The following SOBP variants were observed in gnomAD, a reference collection of about 807,000 sequenced individuals.
SOBP encodes sine oculis-binding protein homolog.
SOBP carries 4 observed loss-of-function variants against 53.6 expected under a neutral mutation model. The observed-to-expected ratio is 0.07, with a 90% CI of 0.04 to 0.17. The LOEUF is 0.17. Ranked by LOEUF, SOBP falls within the 10% of genes least tolerant of loss-of-function variation. The probability of loss-of-function intolerance (pLI) is 1.00; values close to 1 mark genes in which losing one functional copy is unlikely to be tolerated. For synonymous variants in SOBP, 584 were observed against 522.6 expected (o/e 1.12, Z -1.60); for missense variants, 1,088 against 1,204.7 (o/e 0.90, Z 1.43).
chr6:107,574,760 G>A (rs564750710), intron 4 of SOBP, among the ~76,000 whole-genome samples: 9 of 152,120 alleles, frequency 5.9e-5, no homozygotes, highest in Non-Finnish European at 1.3e-4. Flanking sequence ...CAATACTGGT[G>A]GGCCTAGGAT....
chr6:107,512,690 T>G (rs1583159968), intron 3 of SOBP, among the ~76,000 whole-genome samples: 1 of 152,202 alleles, frequency 6.6e-6, no homozygotes, highest in Non-Finnish European at 1.5e-5. Context: ...CTTTTTCCCC[T>G]CTAGTTTTGG....
At position 107,634,972 on chromosome 6, in the gene SOBP, G is replaced by A. The variant is rs1394662329; in HGVS notation, c.2128G>A (p.Ala710Thr). Residue 710 changes from alanine (A) to threonine (T), a missense_variant, in exon 6 of 7, where the codon GCC becomes ACC. Physicochemically the swap from Ala to Thr is moderately conservative, Grantham distance 58. This residue lies in a region of SOBP where 665 missense variants were observed against 629.7 expected (regional missense o/e 1.06). Transcript: ENST00000317357. This position sits in a 1 kb window ranked among gnomAD's most constrained non-coding sequence, Gnocchi z 4.5. ...PPAAGDPGPGAPAGPEAAAAC... is the reference protein window; with the variant it reads ...PPAAGDPGPGTPAGPEAAAAC... Reference sequence around the variant, plus strand: ...CGCCGCCGGCGACCCAGGCCCGGGCGCCCCGGCGGGCCCCGAGGCGGCCGC... The same window carrying A: ...CGCCGCCGGCGACCCAGGCCCGGGCACCCCGGCGGGCCCCGAGGCGGCCGC... 1 of 1,014,628 alleles carries A rather than the reference G, an allele frequency of 9.9e-7. No individual in the cohort carries two copies. The highest frequency in any genetic ancestry group is 1.2e-6 in the Non-Finnish European group (1 of 851,442). 62.9% of individuals were successfully genotyped at this position (1,014,628 alleles called of 1,614,324 possible). A position where few individuals can be genotyped will look rare whatever the true frequency, so the allele number is the denominator to read the frequency against.
intron 5 of SOBP, among the ~76,000 whole-genome samples, chr6:107,593,546 C>T (rs946073092): frequency 4.6e-5 from 7 of 152,174 alleles, no homozygotes; most frequent in African/African-American, 9.7e-5. Context: ...ATCCTTTCTC[C>T]GCAGATGTGC....
chr6:107,520,439 A>G (rs1053351094), intron 3 of SOBP, among the ~76,000 whole-genome samples: 1 of 152,186 alleles, frequency 6.6e-6, no homozygotes, highest in Non-Finnish European at 1.5e-5. Context: ...CAGAACCAGG[A>G]CCAGAACTCA....
intron 6 of SOBP, among the ~76,000 whole-genome samples, chr6:107,650,786 AAGG>A: frequency 6.6e-6 from 1 of 152,260 alleles, no homozygotes; most frequent in East Asian, 1.9e-4. Flanking sequence ...GTTTAAGTGA[AAGG>A]AGGGCCTCTA....
chr6:107,519,625 A>G (rs1783422015), intron 3 of SOBP, among the ~76,000 whole-genome samples: 1 of 152,218 alleles, frequency 6.6e-6, no homozygotes, highest in Non-Finnish European at 1.5e-5. Flanking sequence ...GCAAACCAGC[A>G]GTGTAGGGGA....
intron 5 of SOBP, among the ~76,000 whole-genome samples, chr6:107,605,903 A>G (rs1170403587): frequency 1.3e-5 from 2 of 152,082 alleles, no homozygotes; most frequent in African/African-American, 2.4e-5. Context: ...TGTGCACACT[A>G]AAGTTGGAGA....
intron 4 of SOBP, among the ~76,000 whole-genome samples, chr6:107,579,592 A>G (rs1235106298): frequency 6.6e-6 from 1 of 152,112 alleles, no homozygotes; most frequent in East Asian, 1.9e-4. Flanking sequence ...CTGTCACGCA[A>G]TCCATTAGGG....
chr6:107,646,141 G>A (rs1282067652), intron 6 of SOBP, among the ~76,000 whole-genome samples: 1 of 152,230 alleles, frequency 6.6e-6, no homozygotes, highest in Non-Finnish European at 1.5e-5. Flanking sequence ...CATTCTGATG[G>A]CAGGCTAATT....
intron 5 of SOBP, among the ~76,000 whole-genome samples, chr6:107,600,309 C>T (rs1786132669): frequency 6.6e-6 from 1 of 152,194 alleles, no homozygotes; most frequent in Admixed American, 6.5e-5. Context: ...CTGGTCAAGG[C>T]TGCAGTGTGG....
At chr6:107,582,553 C>CAA (rs35473947) in intron 4 of SOBP, among the ~76,000 whole-genome samples, 4 of 114,150 alleles carry the variant, frequency 3.5e-5, no homozygotes, top group African/African-American at 9.5e-5. Flanking sequence ...TCTGTTATGG[C>CAA]AAAAAAAAAA....
chr6:107,599,047 G>A (rs989233551), intron 5 of SOBP, among the ~76,000 whole-genome samples: 3 of 152,106 alleles, frequency 2.0e-5, no homozygotes, highest in Non-Finnish European at 2.9e-5. Context: ...ATTCTTAAAT[G>A]TGGATAGAGT....
intron 4 of SOBP, 93 bp downstream of exon 4, chr6:107,533,703 C>T (rs1286523027): frequency 4.1e-6 from 6 of 1,476,204 alleles, no homozygotes; most frequent in Admixed American, 3.6e-5. Flanking sequence ...ACACTGCGCA[C>T]CTTTTACTTT....
intron 5 of SOBP, among the ~76,000 whole-genome samples, chr6:107,591,077 A>G (rs1785730588): frequency 6.6e-6 from 1 of 152,168 alleles, no homozygotes; most frequent in South Asian, 2.1e-4. Context: ...GCTGGACTTT[A>G]TACACTGTCA....
At chr6:107,552,282 C>A (rs1426082801) in intron 4 of SOBP, among the ~76,000 whole-genome samples, 1 of 152,164 alleles carries the variant, frequency 6.6e-6, no homozygotes, top group Non-Finnish European at 1.5e-5. Context: ...GCCAGTGGCT[C>A]CTCCATTTAT....
intron 4 of SOBP, among the ~76,000 whole-genome samples, chr6:107,563,145 T>A (rs1784818995): frequency 6.6e-6 from 1 of 152,070 alleles, no homozygotes; most frequent in Admixed American, 6.5e-5. Flanking sequence ...TAGTCCCAGC[T>A]ACTTGGAATA....
chr6:107,503,863 G>A (rs1782907819), intron 2 of SOBP, 68 bp downstream of exon 2: 4 of 1,589,030 alleles, frequency 2.5e-6, no homozygotes, highest in Non-Finnish European at 3.4e-6. Context: ...CCAGAATTGA[G>A]TTGCTTTGGG....
At chr6:107,655,830 G>A (rs957686832) in intron 6 of SOBP, among the ~76,000 whole-genome samples, 6 of 152,172 alleles carry the variant, frequency 3.9e-5, no homozygotes, top group African/African-American at 1.4e-4. Context: ...TTGTCCAAAG[G>A]TGATTTGAAT....
intron 4 of SOBP, among the ~76,000 whole-genome samples, chr6:107,564,902 T>C (rs900414795): frequency 2.0e-5 from 3 of 152,192 alleles, no homozygotes; most frequent in Non-Finnish European, 4.4e-5. Context: ...TGGGGAAATA[T>C]TGAAGTGACA....
Sources: gnomAD v4.1 joint callset for allele counts (sites outside exome capture counted in the v4.1 genomes callset) on GRCh38, gnomAD v4.1.1 for gene constraint, gnomAD v4.1.1 regional missense constraint, Gnocchi (gnomAD v3.1) non-coding constraint, MANE v1.5 for transcripts, NCBI Gene and HGNC (gene_info 2026-07-23, HGNC 2026-07-21) for gene names.